The following CCDC39 variants were observed in gnomAD, a reference collection of about 807,000 sequenced individuals.
The protein encoded by CCDC39 is coiled-coil domain-containing protein 39.
A neutral mutation model predicts 121.0 loss-of-function variants in CCDC39; 113 were observed. That is an observed-to-expected ratio of 0.93 (90% CI 0.80 to 1.09). The LOEUF (loss-of-function observed/expected upper bound fraction) is 1.09, where lower values mean the gene tolerates loss of function less well. Among genes scored for constraint, CCDC39 ranks in the 50% least tolerant of loss-of-function variants. The pLI, the probability that CCDC39 is intolerant of heterozygous loss-of-function variation, is 0.00. For synonymous variants in CCDC39, 349 were observed against 352.2 expected (o/e 0.99, Z 0.10); for missense variants, 1,063 against 1,074.7 (o/e 0.99, Z 0.15).
chr3:180,678,654 T>G (rs1056074316), intron 1 of CCDC39, among the ~76,000 whole-genome samples: 1 of 151,504 alleles, frequency 6.6e-6, no homozygotes, highest in African/African-American at 2.4e-5. Context: ...GCGCCCGGCC[T>G]GCAATTTTTT....
At position 180,652,016 on chromosome 3, in the gene CCDC39, A is replaced by G. The variant is rs943271196; in HGVS notation, c.1034+147T>C. On this transcript the variant is annotated intron_variant, in intron 8 of 19. Transcript: ENST00000476379. Reference sequence around the variant, plus strand: ...CACGCCACTGCACTCCAGCCTGGGCAACAAAGCAAGACTCCCTCTCAAAAA... The same window carrying G: ...CACGCCACTGCACTCCAGCCTGGGCGACAAAGCAAGACTCCCTCTCAAAAA... 1.3e-4 allele frequency: 66 copies of G among 502,522 alleles called. 1 individual carries two copies. The highest frequency in any genetic ancestry group is 5.9e-4 in the Middle Eastern group (1 of 1,694). The allele number at this position is 502,522 out of a possible 1,614,324, so 31.1% of individuals were successfully genotyped here.
In CCDC39 at chr3:180,679,053, T is replaced by C. The variant is rs1712317614; in HGVS notation, c.90+238A>G. ...GGAGTGGGCATGAGGAAGGGAGTAA[T>C]AATTCGAGCTTTATAACCCTAAATG... On this transcript the variant is annotated intron_variant, in intron 1 of 19. Coordinates refer to ENST00000476379, the MANE Select transcript of CCDC39 (RefSeq NM_181426.2). The surrounding 1 kb of genome is among the most constrained non-coding windows in gnomAD (Gnocchi z 4.0). Among the ~76,000 whole-genome samples the C allele has an allele frequency of 6.6e-6, 1 of 152,070 alleles. No homozygotes were observed. The highest frequency in any genetic ancestry group is 2.1e-4 in the South Asian group (1 of 4,824).
At chr3:180,667,065 A>G (rs1255311747) in intron 1 of CCDC39, among the ~76,000 whole-genome samples, 1 of 152,182 alleles carries the variant, frequency 6.6e-6, no homozygotes, top group Non-Finnish European at 1.5e-5. Flanking sequence ...GGTAAACTAC[A>G]AAGAAACAGA....
At chr3:180,642,586 G>A (rs1376781048) in intron 12 of CCDC39, among the ~76,000 whole-genome samples, 1 of 151,940 alleles carries the variant, frequency 6.6e-6, no homozygotes, top group African/African-American at 2.4e-5. Flanking sequence ...GTCGTGAATA[G>A]AGTACTGACA....
In CCDC39 at chr3:180,619,817, G is replaced by C. The variant is rs1292113274; in HGVS notation, c.2152C>G (p.Pro718Ala). The C allele has an allele frequency of 1.3e-6, 2 of 1,583,592 alleles. No individual in the cohort carries two copies. Among genetic ancestry groups the C allele is most frequent in the East Asian group, 4.5e-5 (2 of 44,290 alleles). ...NYKQSFKKVT[P>A]SSDEYELKIQ... ...AAAGTTAACTCCTACATACTAGATG[G>C]AGTCACTTTTTTAAAAGATTGCTTA... The change falls in exon 15 of 20, where the codon CCA becomes GCA. Residue 718 changes from proline (P) to alanine (A), a missense_variant. Transcript: ENST00000476379.
intron 14 of CCDC39, among the ~76,000 whole-genome samples, chr3:180,628,841 A>G (rs534849659): frequency 4.9e-4 from 75 of 152,332 alleles, no homozygotes; most frequent in Admixed American, 9.1e-4. Flanking sequence ...ATTGTAATCA[A>G]ATTCCTATTA....
chr3:180,648,416 A>G (rs1231051527), intron 9 of CCDC39, 57 bp from the exon 10 acceptor site: 1 of 1,154,358 alleles, frequency 8.7e-7, no homozygotes, highest in African/African-American at 1.6e-5. Flanking sequence ...TGTTGTATTT[A>G]TATGAACATA....
chr3:180,631,077 G>C (rs1306050644), intron 14 of CCDC39, among the ~76,000 whole-genome samples: 7 of 152,152 alleles, frequency 4.6e-5, no homozygotes, highest in Admixed American at 1.3e-4. Context: ...GTCTTAAAAA[G>C]ATTACGAATC....
At chr3:180,619,197 TA>T in intron 16 of CCDC39, 61 bp downstream of exon 16, 1 of 766,126 alleles carries the variant, frequency 1.3e-6, no homozygotes. Flanking sequence ...AGAATAGAAG[TA>T]GCAGTAATGA....
chr3:180,675,650 A>G (rs930782205), intron 1 of CCDC39, among the ~76,000 whole-genome samples: 23 of 152,094 alleles, frequency 1.5e-4, no homozygotes, highest in Admixed American at 1.3e-3. Flanking sequence ...ACACTGCTTT[A>G]AATGTGTCCC....
chr3:180,661,187 A>T (rs1467707804), intron 3 of CCDC39, among the ~76,000 whole-genome samples: 1 of 152,082 alleles, frequency 6.6e-6, no homozygotes, highest in Non-Finnish European at 1.5e-5. Context: ...GAAATTTTGG[A>T]AACATTTCTA....
rs1449182989 is a variant in CCDC39, at chr3:180,663,937, T to C, written c.140A>G (p.Glu47Gly). 2.5e-6 allele frequency: 4 copies of C among 1,611,446 alleles called. No homozygotes were observed. In the Admixed American group the frequency reaches 6.7e-5, roughly 27 times the overall value. The stretch of plus-strand genomic sequence containing the variant: ...CATAGAATTAATTCGCTCTTCATAC[T>C]CACGTAACTCATCTTGCAAGCTTGC... ...ERASLQDELR[E>G]YEERINSMTS... Residue 47 changes from glutamate (E) to glycine (G), a missense_variant, in exon 2 of 20, where the codon GAG becomes GGG. Coordinates refer to ENST00000476379, the MANE Select transcript of CCDC39 (RefSeq NM_181426.2).
At chr3:180,635,737 A>C (rs1717809712) in intron 13 of CCDC39, among the ~76,000 whole-genome samples, 1 of 152,190 alleles carries the variant, frequency 6.6e-6, no homozygotes, top group South Asian at 2.1e-4. Context: ...GGCTGCCTTC[A>C]CAGGCTGATA....
chr3:180,647,300 G>A, intron 10 of CCDC39, 57 bp from the exon 11 acceptor site: 3 of 1,425,088 alleles, frequency 2.1e-6, no homozygotes, highest in East Asian at 2.5e-5. Context: ...ATTTCTACAA[G>A]TGTAAAAACA....
chr3:180,627,063 A>AG (rs1717581083), intron 14 of CCDC39, among the ~76,000 whole-genome samples: 1 of 152,212 alleles, frequency 6.6e-6, no homozygotes, highest in Non-Finnish European at 1.5e-5. Flanking sequence ...GGTTCCTCTC[A>AG]GGTGATTTAC....
At chr3:180,621,151 T>C (rs1717422488) in intron 14 of CCDC39, among the ~76,000 whole-genome samples, 1 of 152,154 alleles carries the variant, frequency 6.6e-6, no homozygotes, top group Non-Finnish European at 1.5e-5. Flanking sequence ...CACATTTTCT[T>C]GATCCAGTCA....
intron 1 of CCDC39, among the ~76,000 whole-genome samples, chr3:180,665,290 T>C (rs1283428474): frequency 6.6e-6 from 1 of 152,154 alleles, no homozygotes; most frequent in African/African-American, 2.4e-5. Context: ...CTTGGGAAAT[T>C]ATAAGACAGA....
rs1717270350 is a variant in CCDC39 at position 180,616,947 on chromosome 3, T to C, written c.2285A>G (p.Asp762Gly). Residue 762 changes from aspartate (D) to glycine (G), a missense_variant, in exon 17 of 20, where the codon GAT becomes GGT. By Grantham distance (94) the Asp-to-Gly change is moderately conservative. Coordinates refer to ENST00000476379, the MANE Select transcript of CCDC39 (RefSeq NM_181426.2). ...EDIQSMENTL[D>G]VIEHLANNVK... ...ATTATTTGCCAAATGTTCTATAACA[T>C]CTAATGTATTTTCCATGCTCTGTAG... 3 of 1,435,262 alleles carry C rather than the reference T, an allele frequency of 2.1e-6. No homozygotes were observed. The highest frequency in any genetic ancestry group is 2.9e-6 in the Non-Finnish European group (3 of 1,042,240). The allele number at this position is 1,435,262 out of a possible 1,614,324, so 88.9% of individuals were successfully genotyped here.
At chr3:180,633,114 C>T (rs78402662) in intron 13 of CCDC39, among the ~76,000 whole-genome samples, 160 of 152,294 alleles carry the variant, frequency 1.1e-3, no homozygotes, top group African/African-American at 3.5e-3. Flanking sequence ...ATAGCTATTA[C>T]GCTCTTTACA....
Sources: allele counts gnomAD v4.1 joint callset (sites outside exome capture counted in the v4.1 genomes callset), GRCh38; gene constraint gnomAD v4.1.1; non-coding constraint Gnocchi (gnomAD v3.1); transcripts MANE v1.5; gene names NCBI Gene and HGNC (gene_info 2026-07-23, HGNC 2026-07-21).